CNTNAP2: variants seen among roughly 807,000 people sequenced by gnomAD.
CNTNAP2 encodes contactin associated protein 2.
A neutral mutation model predicts 155.2 loss-of-function variants in CNTNAP2; 98 were observed. The ratio of observed to expected loss-of-function variants is 0.63; its 90% CI spans 0.54 to 0.75. The LOEUF (loss-of-function observed/expected upper bound fraction) is 0.75, where lower values mean the gene tolerates loss of function less well. CNTNAP2 is among the 30% of genes least tolerant of loss of function. The pLI, the probability that CNTNAP2 is intolerant of heterozygous loss-of-function variation, is 0.00. For missense variants in CNTNAP2, 1,727 were observed against 1,688.1 expected, an observed-to-expected ratio of 1.02 and a Z score of -0.40; for synonymous variants, 651 against 631.2, an observed-to-expected ratio of 1.03 and a Z score of -0.47.
chr7:148,101,306 C>G (rs980073628), intron 15 of CNTNAP2, among the ~76,000 whole-genome samples: 1 of 151,070 alleles, frequency 6.6e-6, no homozygotes, highest in African/African-American at 2.4e-5. Flanking sequence ...AAAAAACAAA[C>G]AAACAAATCA....
At chr7:147,732,692 G>A (rs1796764437) in intron 13 of CNTNAP2, among the ~76,000 whole-genome samples, 1 of 152,166 alleles carries the variant, frequency 6.6e-6, no homozygotes, top group African/African-American at 2.4e-5. Flanking sequence ...ATCTTCTCCA[G>A]CACCTGCTGT....
At chr7:146,199,637 T>G (rs1798828076) in intron 1 of CNTNAP2, among the ~76,000 whole-genome samples, 1 of 152,222 alleles carries the variant, frequency 6.6e-6, no homozygotes, top group Non-Finnish European at 1.5e-5. Flanking sequence ...AATAATTTAC[T>G]GTGGCCATAA....
At chr7:147,272,208 G>C (rs1804767888) in intron 8 of CNTNAP2, among the ~76,000 whole-genome samples, 1 of 151,928 alleles carries the variant, frequency 6.6e-6, no homozygotes, top group African/African-American at 2.4e-5. Flanking sequence ...TATGAAATTA[G>C]ATTGCTCATC....
chr7:146,121,324 T>G (rs547997084), intron 1 of CNTNAP2, among the ~76,000 whole-genome samples: 1 of 151,900 alleles, frequency 6.6e-6, no homozygotes, highest in South Asian at 2.1e-4. Flanking sequence ...TTTTTTATGA[T>G]TGAAAGAGAA....
intron 1 of CNTNAP2, among the ~76,000 whole-genome samples, chr7:146,324,493 A>G (rs1232197810): frequency 1.3e-5 from 2 of 152,166 alleles, no homozygotes; most frequent in African/African-American, 4.8e-5. Flanking sequence ...TGAAATTAGC[A>G]GTATCTGGTA....
chr7:146,580,132 A>G (rs1404198666), intron 1 of CNTNAP2, among the ~76,000 whole-genome samples: 1 of 152,166 alleles, frequency 6.6e-6, no homozygotes, highest in African/African-American at 2.4e-5. Flanking sequence ...AATCATATAT[A>G]GCTTTTCTGG....
At chr7:147,166,866 G>A (rs1802123840) in intron 8 of CNTNAP2, among the ~76,000 whole-genome samples, 1 of 152,164 alleles carries the variant, frequency 6.6e-6, no homozygotes, top group East Asian at 1.9e-4. Context: ...ATGTGTACAT[G>A]CAGGTCACAG....
intron 6 of CNTNAP2, among the ~76,000 whole-genome samples, chr7:147,127,606 C>T (rs887895815): frequency 6.6e-6 from 1 of 152,032 alleles, no homozygotes; most frequent in Non-Finnish European, 1.5e-5. Flanking sequence ...GGAAAAGCAC[C>T]ACAGGCTCAA....
At chr7:147,563,662 G>T (rs1800111234) in intron 12 of CNTNAP2, among the ~76,000 whole-genome samples, 2 of 127,312 alleles carry the variant, frequency 1.6e-5, no homozygotes, top group Non-Finnish European at 3.4e-5. Flanking sequence ...AATAAAACTT[G>T]CCCATATTAT....
At chr7:146,295,758 A>T (rs1361999598) in intron 1 of CNTNAP2, among the ~76,000 whole-genome samples, 4 of 152,084 alleles carry the variant, frequency 2.6e-5, no homozygotes, top group African/African-American at 9.6e-5. Flanking sequence ...TGAAAGCAGA[A>T]ATAATTGTTA....
At chr7:146,226,056 C>G (rs1422994561) in intron 1 of CNTNAP2, among the ~76,000 whole-genome samples, 2 of 152,190 alleles carry the variant, frequency 1.3e-5, no homozygotes, top group African/African-American at 2.4e-5. Flanking sequence ...AGATTTAGCT[C>G]TAATCCCATT....
chr7:146,473,152 G>T (rs1019244764), intron 1 of CNTNAP2, among the ~76,000 whole-genome samples: 6 of 151,916 alleles, frequency 3.9e-5, no homozygotes, highest in Non-Finnish European at 8.8e-5. Flanking sequence ...ACGTCTACAG[G>T]CTCTGTGGGG....
rs543931624 is a variant in CNTNAP2, at chr7:147,699,988, A to T, written c.2098+60682A>T. Among the ~76,000 whole-genome samples, 8 of 152,300 alleles carry T rather than the reference A, an allele frequency of 5.3e-5. No homozygotes were observed. In the South Asian group the frequency reaches 1.7e-3, roughly 32 times the overall value. On this transcript the variant is annotated intron_variant, in intron 13 of 23. Coordinates refer to ENST00000361727, the MANE Select transcript of CNTNAP2 (RefSeq NM_014141.6). ...ACTTAGCATAATGTTTTTGAGGTTC[A>T]TCCACCCACTCTTCTTAATGGCTTT... is the stretch of plus-strand genomic sequence containing the variant.
chr7:147,209,358 G>A (rs1330085386), intron 8 of CNTNAP2, among the ~76,000 whole-genome samples: 1 of 151,912 alleles, frequency 6.6e-6, no homozygotes, highest in East Asian at 1.9e-4. Flanking sequence ...TGTGGATATT[G>A]TAAATGAGGC....
intron 8 of CNTNAP2, among the ~76,000 whole-genome samples, chr7:147,162,897 G>A (rs1012778837): frequency 7.2e-5 from 11 of 152,104 alleles, no homozygotes; most frequent in African/African-American, 2.4e-4. Flanking sequence ...TTTGCTTCTC[G>A]CTCTTGGGTT....
intron 8 of CNTNAP2, among the ~76,000 whole-genome samples, chr7:147,139,578 G>C (rs1801555169): frequency 6.6e-6 from 1 of 152,008 alleles, no homozygotes; most frequent in Non-Finnish European, 1.5e-5. Flanking sequence ...CAGACTGTGA[G>C]ATAGTATCAT....
chr7:146,720,476 A>T (rs1417196241), intron 1 of CNTNAP2, among the ~76,000 whole-genome samples: 1 of 152,116 alleles, frequency 6.6e-6, no homozygotes, highest in Non-Finnish European at 1.5e-5. Flanking sequence ...GGCTGACCTA[A>T]ATCAATTTCA....
At chr7:148,387,783 A>G (rs1799248324) in intron 22 of CNTNAP2, among the ~76,000 whole-genome samples, 1 of 152,180 alleles carries the variant, frequency 6.6e-6, no homozygotes, top group African/African-American at 2.4e-5. Context: ...CCCTGATGTC[A>G]AGACTATACT....
chr7:147,296,162 C>T (rs752198218), intron 8 of CNTNAP2, among the ~76,000 whole-genome samples: 10 of 152,078 alleles, frequency 6.6e-5, no homozygotes, highest in Non-Finnish European at 2.9e-5. Flanking sequence ...GATTTGGGGA[C>T]TGAACAAATA....
Sources: gnomAD v4.1 joint callset for allele counts (sites outside exome capture counted in the v4.1 genomes callset) on GRCh38, gnomAD v4.1.1 for gene constraint, MANE v1.5 for transcripts, NCBI Gene and HGNC (gene_info 2026-07-23, HGNC 2026-07-21) for gene names.